RELN: variants seen among roughly 807,000 people sequenced by gnomAD.
The protein encoded by RELN is reelin.
Under a neutral mutation model 427.6 loss-of-function variants are expected in RELN, and 108 were observed. The ratio of observed to expected loss-of-function variants is 0.25; its 90% confidence interval spans 0.22 to 0.30. The LOEUF (loss-of-function observed/expected upper bound fraction) is 0.30, where lower values mean the gene tolerates loss of function less well. RELN is among the 10% of genes least tolerant of loss of function. RELN has a pLI of 1.00. For synonymous variants in RELN, 1,524 were observed against 1,513.4 expected (o/e 1.01, Z -0.16); for missense variants, 3,715 against 4,302.8 (o/e 0.86, Z 3.82).
In RELN at chr7:103,980,530, A is replaced by G. The variant is rs148156813; in HGVS notation, c.226+8601T>C. On this transcript the variant is annotated intron_variant, in intron 1 of 64. Transcript: ENST00000428762. ...ATTTTCCTTTTCTGAAATAACCACC[A>G]TTTTGAAAAATAAATGCGTACTATC... 5.3e-5 allele frequency among the ~76,000 whole-genome samples: 8 copies of G among 152,318 alleles called. 1 individual carries two copies. In the East Asian group the frequency reaches 1.2e-3, roughly 22 times the overall value.
In RELN at chr7:103,472,734, C is replaced by T; in HGVS notation, c.*78G>A. ...GTCCTTCACAGATATTTCCTGATATCAGATGTAGTGCGAGATTTAAAAGAA... is the reference window on the plus strand; with the variant it reads ...GTCCTTCACAGATATTTCCTGATATTAGATGTAGTGCGAGATTTAAAAGAA... On this transcript the variant is annotated 3_prime_UTR_variant, in exon 65 of 65. Coordinates refer to ENST00000428762, the MANE Select transcript of RELN (RefSeq NM_005045.4). 3 of 1,128,642 alleles carry T rather than the reference C, an allele frequency of 2.7e-6. No individual in the cohort carries two copies. In the Middle Eastern group the frequency reaches 6.1e-4, roughly 229 times the overall value. The allele number at this position is 1,128,642 out of a possible 1,614,324, so 69.9% of individuals were successfully genotyped here.
intron 24 of RELN, among the ~76,000 whole-genome samples, chr7:103,599,494 G>A (rs1342442254): frequency 6.6e-6 from 1 of 152,126 alleles, no homozygotes; most frequent in East Asian, 1.9e-4. Context: ...TGCATGACAT[G>A]CATTTCTGAG....
At chr7:103,913,068 A>C (rs1795405751) in intron 2 of RELN, among the ~76,000 whole-genome samples, 1 of 152,168 alleles carries the variant, frequency 6.6e-6, no homozygotes, top group Admixed American at 6.6e-5. Context: ...CTATTGTCTT[A>C]ACGTATTTCT....
Position 103,824,458 on chromosome 7 carries a change from C to T in RELN, c.473+9079G>A, listed in dbSNP as rs555522637. Among the ~76,000 whole-genome samples the T allele has an allele frequency of 6.6e-6, 1 of 152,114 alleles. No homozygotes were observed. The highest frequency in any genetic ancestry group is 1.9e-4 in the East Asian group (1 of 5,158). On this transcript the variant is annotated intron_variant, in intron 3 of 64. Coordinates refer to ENST00000428762, the MANE Select transcript of RELN (RefSeq NM_005045.4). The surrounding 1 kb of genome is among the most constrained non-coding windows in gnomAD (Gnocchi z 4.4). Reference sequence around the variant, plus strand: ...TTATCTCCTGCTGTCTTTTAAGAAGCTCCTGACAATAGCTCCAGGCCCCAT... The same window carrying T: ...TTATCTCCTGCTGTCTTTTAAGAAGTTCCTGACAATAGCTCCAGGCCCCAT...
chr7:103,645,389 C>T (rs1017309450), intron 16 of RELN, among the ~76,000 whole-genome samples: 2 of 151,636 alleles, frequency 1.3e-5, no homozygotes, highest in African/African-American at 2.4e-5. Flanking sequence ...AAAAATCCCA[C>T]CTAACTGGTA....
chr7:103,694,550 G>A (rs1833937632), intron 10 of RELN, among the ~76,000 whole-genome samples: 1 of 151,992 alleles, frequency 6.6e-6, no homozygotes, highest in South Asian at 2.1e-4. Flanking sequence ...GGAATGGTGA[G>A]TGCCTAGAAC....
chr7:103,727,782 G>C (rs1218992078), intron 7 of RELN, among the ~76,000 whole-genome samples: 4 of 152,062 alleles, frequency 2.6e-5, no homozygotes, highest in African/African-American at 9.7e-5. Flanking sequence ...TTAAGAGCAT[G>C]GCTTTATAGA....
intron 2 of RELN, among the ~76,000 whole-genome samples, chr7:103,901,031 A>G (rs1188331601): frequency 6.6e-6 from 1 of 152,024 alleles, no homozygotes; most frequent in African/African-American, 2.4e-5. Context: ...GAAAATTCAC[A>G]CTGTCCATAC....
At chr7:103,554,751 T>C (rs1461474249) in intron 38 of RELN, among the ~76,000 whole-genome samples, 4 of 152,048 alleles carry the variant, frequency 2.6e-5, no homozygotes, top group Non-Finnish European at 5.9e-5. Context: ...GAGTGGGTTT[T>C]GAGTTGTGTT....
At chr7:103,702,987 C>G (rs184708648) in intron 8 of RELN, among the ~76,000 whole-genome samples, 329 of 152,298 alleles carry the variant, frequency 2.2e-3, no homozygotes, top group African/African-American at 7.4e-3. Context: ...AGAAACAGAA[C>G]TGGCCCAGGG....
At chr7:103,683,641 A>G (rs1833699993) in intron 10 of RELN, among the ~76,000 whole-genome samples, 1 of 152,210 alleles carries the variant, frequency 6.6e-6, no homozygotes, top group African/African-American at 2.4e-5. Context: ...TGTGCTGCCA[A>G]TCCTATAAAA....
chr7:103,478,512 G>T, intron 63 of RELN, 118 bp from the exon 64 acceptor site: 1 of 685,968 alleles, frequency 1.5e-6, no homozygotes, highest in Non-Finnish European at 2.7e-6. Flanking sequence ...ACGCAATATA[G>T]GATTTTTCAT....
intron 33 of RELN, among the ~76,000 whole-genome samples, chr7:103,565,839 G>C (rs1304713150): frequency 6.6e-6 from 1 of 152,144 alleles, no homozygotes; most frequent in African/African-American, 2.4e-5. Context: ...GGTTACATGT[G>C]ATATTTTGAT....
chr7:103,566,785 T>G, intron 31 of RELN, 26 bp from the exon 32 acceptor site: 2 of 1,609,594 alleles, frequency 1.2e-6, no homozygotes, highest in Non-Finnish European at 1.7e-6. Flanking sequence ...TAAATCCAGT[T>G]ATTTGGACAC....
At chr7:103,665,595 T>A (rs1021486379) in intron 11 of RELN, among the ~76,000 whole-genome samples, 1 of 152,188 alleles carries the variant, frequency 6.6e-6, no homozygotes, top group Non-Finnish European at 1.5e-5. Flanking sequence ...AGTTATCTAT[T>A]GAATTGTTGC....
intron 4 of RELN, among the ~76,000 whole-genome samples, chr7:103,775,221 T>C (rs147985630): frequency 1.3e-5 from 2 of 152,180 alleles, no homozygotes; most frequent in Non-Finnish European, 2.9e-5. Flanking sequence ...GGAAGAAGAT[T>C]TGTATTATGA....
At chr7:103,507,086 G>C (rs1829239589) in intron 51 of RELN, among the ~76,000 whole-genome samples, 1 of 152,074 alleles carries the variant, frequency 6.6e-6, no homozygotes, top group Admixed American at 6.5e-5. Context: ...ATAATAATGG[G>C]AGATTTTTAA....
chr7:103,701,743 A>C (rs1408288803), intron 8 of RELN, among the ~76,000 whole-genome samples: 1 of 152,192 alleles, frequency 6.6e-6, no homozygotes, highest in Non-Finnish European at 1.5e-5. Context: ...AGAATGCCCA[A>C]AACAGCCCTG....
intron 12 of RELN, among the ~76,000 whole-genome samples, chr7:103,656,640 C>T (rs1198210567): frequency 2.6e-5 from 4 of 151,944 alleles, no homozygotes; most frequent in African/African-American, 9.7e-5. Context: ...AGAAAATCGC[C>T]CAATAATTTT....
Sources: allele counts gnomAD v4.1 joint callset (sites outside exome capture counted in the v4.1 genomes callset), GRCh38; gene constraint gnomAD v4.1.1; non-coding constraint Gnocchi (gnomAD v3.1); transcripts MANE v1.5; gene names NCBI Gene and HGNC (gene_info 2026-07-23, HGNC 2026-07-21).